EFNA5: variants seen among roughly 807,000 people sequenced by gnomAD.
EFNA5 encodes ephrin-A5.
Under a neutral mutation model 22.9 loss-of-function variants are expected in EFNA5, and 5 were observed. The observed-to-expected ratio is 0.22, with a 90% CI of 0.11 to 0.46. The LOEUF is 0.46. EFNA5 is among the 20% of genes least tolerant of loss of function. EFNA5 has a pLI of 0.99. For synonymous variants in EFNA5, 113 were observed against 112.2 expected (o/e 1.01, Z -0.04); for missense variants, 237 against 293.3 (o/e 0.81, Z 1.40).
At chr5:107,661,363 A>G (rs994212654) in intron 1 of EFNA5, among the ~76,000 whole-genome samples, 12 of 152,230 alleles carry the variant, frequency 7.9e-5, no homozygotes, top group Admixed American at 3.3e-4. Context: ...TGAGAAACTT[A>G]AAATGAAAAC....
rs572372340 is a variant in EFNA5, at chr5:107,455,407, G to C, written c.126-27898C>G. 1.3e-3 allele frequency among the ~76,000 whole-genome samples: 191 copies of C among 152,282 alleles called. 1 individual carries two copies. The highest frequency in any genetic ancestry group is 4.5e-3 in the African/African-American group (188 of 41,552). ...ACCCATGTCAACAGTCTATTAGTGA[G>C]ATAGAAAAAAATGCACATTAAACAC... On this transcript the variant is annotated intron_variant, in intron 1 of 4. Transcript: ENST00000333274.
intron 1 of EFNA5, among the ~76,000 whole-genome samples, chr5:107,631,546 C>A (rs960056427): frequency 1.3e-5 from 2 of 152,072 alleles, no homozygotes; most frequent in Admixed American, 6.5e-5. Context: ...AATACAAGAA[C>A]AACTCTTCCC....
intron 1 of EFNA5, among the ~76,000 whole-genome samples, chr5:107,459,880 C>T (rs1580465831): frequency 6.6e-6 from 1 of 152,146 alleles, no homozygotes; most frequent in Middle Eastern, 3.2e-3. Flanking sequence ...ACTTTGTCTC[C>T]AGTTGCCAAC....
At chr5:107,666,657 T>C (rs1245590929) in intron 1 of EFNA5, among the ~76,000 whole-genome samples, 2 of 152,146 alleles carry the variant, frequency 1.3e-5, no homozygotes, top group Non-Finnish European at 2.9e-5. Flanking sequence ...TGAGGACGAC[T>C]GGTATTCCTA....
intron 2 of EFNA5, among the ~76,000 whole-genome samples, chr5:107,408,158 A>G (rs1343297860): frequency 2.0e-5 from 3 of 151,750 alleles, no homozygotes; most frequent in Non-Finnish European, 4.4e-5. Flanking sequence ...ATGTGCCCTC[A>G]GCAAAACAAC....
chr5:107,536,332 C>G (rs1464523339), intron 1 of EFNA5, among the ~76,000 whole-genome samples: 1 of 152,180 alleles, frequency 6.6e-6, no homozygotes, highest in African/African-American at 2.4e-5. Flanking sequence ...AGGGACAGAG[C>G]CCAGGCATCT....
At chr5:107,562,523 A>T (rs1748571101) in intron 1 of EFNA5, among the ~76,000 whole-genome samples, 1 of 152,312 alleles carries the variant, frequency 6.6e-6, no homozygotes, top group Non-Finnish European at 1.5e-5. Flanking sequence ...CTTGAGAATC[A>T]AAGTTTGAAT....
chr5:107,426,584 G>C (rs989917740), intron 2 of EFNA5, among the ~76,000 whole-genome samples: 1 of 152,232 alleles, frequency 6.6e-6, no homozygotes, highest in Admixed American at 6.5e-5. Flanking sequence ...TAATACAGAA[G>C]TCTACTGAGA....
At chr5:107,461,412 C>T (rs1749830944) in intron 1 of EFNA5, among the ~76,000 whole-genome samples, 1 of 151,996 alleles carries the variant, frequency 6.6e-6, no homozygotes, top group South Asian at 2.1e-4. Flanking sequence ...GAGTTCAAGC[C>T]CCAAACAGCA....
intron 1 of EFNA5, among the ~76,000 whole-genome samples, chr5:107,496,340 A>AC (rs1746982222): frequency 6.7e-6 from 1 of 148,764 alleles, no homozygotes; most frequent in Non-Finnish European, 1.5e-5. Flanking sequence ...CCATCTCAAA[A>AC]AAAAAAAAAA....
At chr5:107,461,078 A>G (rs1165899697) in intron 1 of EFNA5, among the ~76,000 whole-genome samples, 1 of 152,136 alleles carries the variant, frequency 6.6e-6, no homozygotes, top group Non-Finnish European at 1.5e-5. Flanking sequence ...GAAATTTCAA[A>G]TTCTGACCAC....
intron 1 of EFNA5, among the ~76,000 whole-genome samples, chr5:107,530,390 C>G (rs772845410): frequency 6.6e-5 from 10 of 152,166 alleles, no homozygotes; most frequent in Non-Finnish European, 1.5e-4. Context: ...CGCCAAATTT[C>G]AAGTGGGTGG....
intron 1 of EFNA5, among the ~76,000 whole-genome samples, chr5:107,456,052 T>C (rs368860844): frequency 6.6e-6 from 1 of 152,266 alleles, no homozygotes; most frequent in East Asian, 1.9e-4. Context: ...GTTAAAGATA[T>C]TAATTGTCTC....
intron 2 of EFNA5, chr5:107,426,859 C>A: frequency 5.0e-6 from 1 of 201,742 alleles, no homozygotes; most frequent in Non-Finnish European, 1.0e-5. Context: ...ATAAGAAATC[C>A]AATGACTCCA....
chr5:107,421,182 A>G (rs1280263244), intron 2 of EFNA5, among the ~76,000 whole-genome samples: 1 of 152,220 alleles, frequency 6.6e-6, no homozygotes, highest in African/African-American at 2.4e-5. Context: ...ATGGCTTAAG[A>G]TAAAACTGTA....
At chr5:107,482,690 G>A (rs1305621519) in intron 1 of EFNA5, among the ~76,000 whole-genome samples, 1 of 152,004 alleles carries the variant, frequency 6.6e-6, no homozygotes, top group East Asian at 1.9e-4. Context: ...TTTATACAGG[G>A]TATTAGAGAA....
At chr5:107,487,548 G>A (rs1009619293) in intron 1 of EFNA5, among the ~76,000 whole-genome samples, 3 of 152,230 alleles carry the variant, frequency 2.0e-5, no homozygotes, top group Non-Finnish European at 4.4e-5. Context: ...CAGGGGCAGA[G>A]TAGAGGTTTG....
At position 107,381,183 on chromosome 5, in the gene EFNA5, G is replaced by A. The variant is rs757000287; in HGVS notation, c.*72C>T. ...CCAATAACAAGTCCCTTCTTAGGAT[G>A]AGCAGTTAGGTGGATCTCTGGTGTT... On this transcript the variant is annotated 3_prime_UTR_variant, in exon 5 of 5. Transcript: ENST00000333274. The A allele has an allele frequency of 8.5e-6, 13 of 1,527,020 alleles. No individual in the cohort carries two copies. In the African/African-American group the frequency reaches 1.1e-4, roughly 13 times the overall value. 94.6% of individuals were successfully genotyped at this position (1,527,020 alleles called of 1,614,324 possible). A position where few individuals can be genotyped will look rare whatever the true frequency, so the allele number is the denominator to read the frequency against.
chr5:107,604,500 T>G (rs1176217433), intron 1 of EFNA5, among the ~76,000 whole-genome samples: 2 of 152,130 alleles, frequency 1.3e-5, no homozygotes, highest in African/African-American at 4.8e-5. Flanking sequence ...GGAAATAACT[T>G]AATTCAGCAC....
Sources: allele counts gnomAD v4.1 joint callset (sites outside exome capture counted in the v4.1 genomes callset), GRCh38; gene constraint gnomAD v4.1.1; transcripts MANE v1.5; gene names NCBI Gene and HGNC (gene_info 2026-07-23, HGNC 2026-07-21).